Variants in SLC1A3 observed in about 807,000 individuals in gnomAD.
SLC1A3 encodes solute carrier family 1 member 3.
In SLC1A3, 21 loss-of-function variants were observed where a neutral mutation model predicts 48.1. The observed-to-expected ratio is 0.44, with a 90% CI of 0.31 to 0.63. The LOEUF (loss-of-function observed/expected upper bound fraction) is 0.63, where lower values mean the gene tolerates loss of function less well. Among genes scored for constraint, SLC1A3 ranks in the 20% least tolerant of loss-of-function variants. The probability of loss-of-function intolerance (pLI) is 0.08; values close to 1 mark genes in which losing one functional copy is unlikely to be tolerated. For synonymous variants in SLC1A3, 239 were observed against 251.4 expected (o/e 0.95, Z 0.47); for missense variants, 546 against 689.0 (o/e 0.79, Z 2.32).
Position 36,686,248 on chromosome 5 carries a change from C to T in SLC1A3, c.1608C>T (p.Ile536=). 1 of 1,613,512 alleles carries T rather than the reference C, an allele frequency of 6.2e-7. No homozygotes were observed. Among genetic ancestry groups the T allele is most frequent in the Non-Finnish European group, 8.5e-7 (1 of 1,179,386 alleles). Residue 536 remains isoleucine, a synonymous_variant, in exon 10 of 10, where the codon ATC becomes ATT. Coordinates refer to ENST00000265113, the MANE Select transcript of SLC1A3 (RefSeq NM_004172.5). ...IAQDNETEKP[I]DSETKM ...AGGACAATGAAACTGAGAAACCCAT[C>T]GACAGTGAAACCAAGATGTAGACTA...
intron 3 of SLC1A3, among the ~76,000 whole-genome samples, chr5:36,646,341 T>TAC (rs1740839114): frequency 1.3e-5 from 2 of 152,252 alleles, no homozygotes; most frequent in African/African-American, 4.8e-5. Flanking sequence ...TCTGTGTGTT[T>TAC]TGCTTTTTCA....
At chr5:36,663,414 TGTATTTTTA>T (rs1465307058) in intron 3 of SLC1A3, among the ~76,000 whole-genome samples, 46 of 147,734 alleles carry the variant, frequency 3.1e-4, no homozygotes, top group African/African-American at 9.5e-4. Context: ...TTGTATTTTT[TGTATTTTTA>T]GTAGAGACGG....
chr5:36,604,803 A>G (rs1260673756), upstream of SLC1A3, among the ~76,000 whole-genome samples: 6 of 151,300 alleles, frequency 4.0e-5, no homozygotes, highest in Non-Finnish European at 8.9e-5. Flanking sequence ...AAAACAAAAA[A>G]TGGAAATGCC....
intron 2 of SLC1A3, among the ~76,000 whole-genome samples, chr5:36,625,439 G>A (rs200718104): frequency 2.4e-4 from 37 of 152,092 alleles, no homozygotes; most frequent in Middle Eastern, 6.8e-3. Context: ...CTTGGGTGAC[G>A]GAGTAAGACT....
intron 1 of SLC1A3, among the ~76,000 whole-genome samples, chr5:36,599,508 C>CTTTTCTTTTTT (rs1738781638): frequency 1.3e-5 from 1 of 78,286 alleles, no homozygotes; most frequent in Non-Finnish European, 2.2e-5. Context: ...TACGGTTGAA[C>CTTTTCTTTTTT]TTTTTTTTTT....
chr5:36,609,690 T>G (rs1739116107), intron 2 of SLC1A3, among the ~76,000 whole-genome samples: 1 of 152,232 alleles, frequency 6.6e-6, no homozygotes, highest in Admixed American at 6.5e-5. Flanking sequence ...AACATCATTG[T>G]CTTCCATTAG....
chr5:36,671,370 CCT>C, intron 4 of SLC1A3, 137 bp downstream of exon 4: 2 of 715,496 alleles, frequency 2.8e-6, no homozygotes, highest in Non-Finnish European at 5.1e-6. Flanking sequence ...TATATCTTTA[CCT>C]CTTTCTTATA....
At chr5:36,676,414 G>A (rs1742207981) in intron 5 of SLC1A3, among the ~76,000 whole-genome samples, 1 of 152,190 alleles carries the variant, frequency 6.6e-6, no homozygotes, top group Non-Finnish European at 1.5e-5. Context: ...TTTCACAGCT[G>A]TAGAATATGA....
chr5:36,645,862 T>C (rs188676517), intron 3 of SLC1A3, among the ~76,000 whole-genome samples: 218 of 152,368 alleles, frequency 1.4e-3, no homozygotes, highest in African/African-American at 5.0e-3. Context: ...ATGTCTTGAA[T>C]TCCCAGCAGA....
At chr5:36,649,135 G>T (rs1481459452) in intron 3 of SLC1A3, among the ~76,000 whole-genome samples, 2 of 151,944 alleles carry the variant, frequency 1.3e-5, no homozygotes, top group Non-Finnish European at 2.9e-5. Flanking sequence ...CCTGAGATTG[G>T]GAGTTCGAGA....
intron 5 of SLC1A3, among the ~76,000 whole-genome samples, chr5:36,675,950 C>T (rs1413860178): frequency 6.6e-6 from 1 of 152,200 alleles, no homozygotes; most frequent in Non-Finnish European, 1.5e-5. Context: ...CTCACTGGTG[C>T]TTTCCCTACA....
intron 2 of SLC1A3, among the ~76,000 whole-genome samples, chr5:36,610,033 G>C (rs544872986): frequency 6.6e-6 from 1 of 152,164 alleles, no homozygotes; most frequent in Non-Finnish European, 1.5e-5. Context: ...CCTATGAAGC[G>C]AGTGAGAAGG....
At chr5:36,611,658 C>T (rs1043488162) in intron 2 of SLC1A3, among the ~76,000 whole-genome samples, 5 of 152,076 alleles carry the variant, frequency 3.3e-5, no homozygotes, top group African/African-American at 1.2e-4. Context: ...TTAGAGGGCC[C>T]GTCATGAAAG....
At chr5:36,599,154 G>C (rs1264549045) in intron 1 of SLC1A3, among the ~76,000 whole-genome samples, 1 of 152,150 alleles carries the variant, frequency 6.6e-6, no homozygotes, top group Non-Finnish European at 1.5e-5. Flanking sequence ...GGGCAGCACA[G>C]ATCTATAACA....
At chr5:36,617,101 T>C (rs1233996518) in intron 2 of SLC1A3, among the ~76,000 whole-genome samples, 5 of 152,158 alleles carry the variant, frequency 3.3e-5, no homozygotes. Context: ...CAAGGGCTAA[T>C]TGATTGAAGT....
chr5:36,620,305 T>C (rs140524271), intron 2 of SLC1A3, among the ~76,000 whole-genome samples: 1 of 152,342 alleles, frequency 6.6e-6, no homozygotes, highest in Non-Finnish European at 1.5e-5. Context: ...CTCTCCCTTC[T>C]ACTCAAAAAA....
chr5:36,686,384 T>G lies in SLC1A3; in HGVS notation c.*115T>G, dbSNP rs1029266905. 2.3e-6 allele frequency: 2 copies of G among 867,162 alleles called. No homozygotes were observed. The highest frequency in any genetic ancestry group is 3.8e-6 in the Non-Finnish European group (2 of 521,890). 53.7% of individuals were successfully genotyped at this position (867,162 alleles called of 1,614,324 possible). On this transcript the variant is annotated 3_prime_UTR_variant, in exon 10 of 10. Transcript: ENST00000265113. ...AGCCCGTCATCTTCCCTTTCCTCCC[T>G]TCTGATAAGACTGGAAAATAGTCCT... is the stretch of plus-strand genomic sequence containing the variant.
intron 4 of SLC1A3, 106 bp from the exon 5 acceptor site, chr5:36,673,943 G>A: frequency 2.3e-6 from 2 of 883,140 alleles, no homozygotes; most frequent in Non-Finnish European, 3.8e-6. Context: ...TTTTCCATTT[G>A]TTGCTTGGTT....
chr5:36,604,055 G>A (rs147473618), upstream of SLC1A3, among the ~76,000 whole-genome samples: 1,527 of 151,454 alleles, frequency 0.01, 34 homozygotes, highest in African/African-American at 0.035. Flanking sequence ...TTTAAGGACA[G>A]GTTGGATTTG....
Sources: allele counts gnomAD v4.1 joint callset (sites outside exome capture counted in the v4.1 genomes callset), GRCh38; gene constraint gnomAD v4.1.1; transcripts MANE v1.5; gene names NCBI Gene and HGNC (gene_info 2026-07-23, HGNC 2026-07-21).